CLASP2: variants seen among roughly 807,000 people sequenced by gnomAD.
CLASP2 encodes the protein cytoplasmic linker associated protein 2, also known as CLIP-associating protein 2.
In CLASP2, 47 loss-of-function variants were observed where a neutral mutation model predicts 194.4. The observed-to-expected ratio is 0.24, with a 90% CI of 0.19 to 0.31. The LOEUF is 0.31. CLASP2 is among the 10% of genes least tolerant of loss of function. CLASP2 has a pLI of 1.00. For synonymous variants in CLASP2, 619 were observed against 633.5 expected, an observed-to-expected ratio of 0.98 and a Z score of 0.34; for missense variants, 1,445 against 1,823.6, an observed-to-expected ratio of 0.79 and a Z score of 3.78.
chr3:33,654,425 A>C (rs946421945), intron 7 of CLASP2, among the ~76,000 whole-genome samples: 1 of 152,200 alleles, frequency 6.6e-6, no homozygotes, highest in Non-Finnish European at 1.5e-5. Context: ...AGTCAAGGAT[A>C]TCTCCCAGAA....
intron 10 of CLASP2, among the ~76,000 whole-genome samples, chr3:33,622,969 T>TATCCA (rs1226044031): frequency 1.3e-5 from 2 of 151,982 alleles, no homozygotes; most frequent in East Asian, 3.9e-4. Context: ...CCACCGTGCC[T>TATCCA]GGATAATTTT....
chr3:33,705,295 G>T (rs1349673005), intron 1 of CLASP2, among the ~76,000 whole-genome samples: 1 of 152,156 alleles, frequency 6.6e-6, no homozygotes, highest in East Asian at 1.9e-4. Flanking sequence ...GTCACAAGAG[G>T]CTACATGTTA....
chr3:33,639,980 C>G (rs2080988690), intron 8 of CLASP2, among the ~76,000 whole-genome samples: 1 of 152,164 alleles, frequency 6.6e-6, no homozygotes, highest in Admixed American at 6.5e-5. Flanking sequence ...GCACATCATT[C>G]AATGCTCTGA....
rs374516433 is a variant in CLASP2 at position 33,581,928 on chromosome 3, G to A, written c.2240C>T (p.Ala747Val). 1.4e-5 allele frequency: 22 copies of A among 1,607,972 alleles called. No homozygotes were observed. The African/African-American group carries it at 2.3e-4, about 17-fold the overall frequency. ...TGGTCGAGGAATACGACTGCTTCGG[G>A]CTGGTGTGAAGCAACAGCAGCACAC... ...REASPSRLSV[A>V]RSSRIPRPSV... The change falls in exon 23 of 39, where the codon GCC becomes GTC. Residue 747 changes from alanine to valine, a missense_variant and splice_region_variant. Physicochemically the swap from Ala to Val is moderately conservative, Grantham distance 64 (BLOSUM62 0). Transcript: ENST00000682230.
intron 21 of CLASP2, among the ~76,000 whole-genome samples, chr3:33,589,614 C>T (rs537616391): frequency 4.6e-5 from 7 of 152,148 alleles, no homozygotes; most frequent in East Asian, 1.9e-4. Flanking sequence ...AATGATTTTA[C>T]AGAGGGAAAG....
chr3:33,599,759 G>A (rs1229687424), intron 18 of CLASP2, among the ~76,000 whole-genome samples: 2 of 152,166 alleles, frequency 1.3e-5, no homozygotes, highest in African/African-American at 4.8e-5. Context: ...ATGAGACACA[G>A]CGGGTAGGGT....
At chr3:33,535,589 A>G in intron 33 of CLASP2, 128 bp from the exon 34 acceptor site, 1 of 700,432 alleles carries the variant, frequency 1.4e-6, no homozygotes, top group Non-Finnish European at 2.3e-6. Context: ...CAGCTAAAAA[A>G]TTTAAGTAAT....
At chr3:33,617,045 A>G (rs1428463390) in intron 12 of CLASP2, among the ~76,000 whole-genome samples, 2 of 150,732 alleles carry the variant, frequency 1.3e-5, no homozygotes, top group African/African-American at 2.4e-5. Flanking sequence ...ATTTTCTAAC[A>G]TTGTTACAAA....
intron 6 of CLASP2, among the ~76,000 whole-genome samples, chr3:33,673,510 A>G (rs1217255030): frequency 3.3e-5 from 5 of 151,846 alleles, no homozygotes; most frequent in East Asian, 1.9e-4. Flanking sequence ...AAAGACCATC[A>G]AGACTAGGAA....
At chr3:33,584,245 C>T (rs1451051548) in intron 22 of CLASP2, among the ~76,000 whole-genome samples, 1 of 150,388 alleles carries the variant, frequency 6.6e-6, no homozygotes, top group African/African-American at 2.4e-5. Context: ...TTTTTCAAAG[C>T]TCCTATGAAT....
intron 20 of CLASP2, 104 bp from the exon 21 acceptor site, chr3:33,592,600 A>C: frequency 2.3e-6 from 2 of 874,772 alleles, no homozygotes; most frequent in Non-Finnish European, 3.7e-6. Context: ...AAATTCTGTA[A>C]TAATGTAATC....
intron 23 of CLASP2, among the ~76,000 whole-genome samples, chr3:33,581,207 C>A (rs777435040): frequency 6.6e-6 from 1 of 152,022 alleles, no homozygotes; most frequent in Non-Finnish European, 1.5e-5. Flanking sequence ...TTTAAAAAAT[C>A]ATTTAATATT....
intron 1 of CLASP2, among the ~76,000 whole-genome samples, chr3:33,707,791 C>A (rs1048828489): frequency 6.6e-6 from 1 of 152,138 alleles, no homozygotes; most frequent in Admixed American, 6.5e-5. Flanking sequence ...CGGCAAGATC[C>A]AGACTGTGGG....
intron 21 of CLASP2, among the ~76,000 whole-genome samples, chr3:33,585,126 G>A (rs1462110078): frequency 1.3e-5 from 2 of 151,988 alleles, no homozygotes; most frequent in Non-Finnish European, 2.9e-5. Context: ...AGCACTAAAT[G>A]GTAAATCATC....
At chr3:33,507,704 C>T (rs1300293367) in intron 37 of CLASP2, among the ~76,000 whole-genome samples, 2 of 151,856 alleles carry the variant, frequency 1.3e-5, no homozygotes, top group Non-Finnish European at 2.9e-5. Context: ...GGCTGGTCTC[C>T]AACTCCTGGG....
chr3:33,653,784 A>G (rs1575304621), intron 7 of CLASP2, among the ~76,000 whole-genome samples: 2 of 152,140 alleles, frequency 1.3e-5, no homozygotes, highest in East Asian at 3.9e-4. Flanking sequence ...ACTGGATGAT[A>G]AGTAGTAATG....
chr3:33,558,945 C>T lies in CLASP2; in HGVS notation c.3009+362G>A, dbSNP rs551521637. On this transcript the variant is annotated intron_variant, in intron 29 of 38. Transcript: ENST00000682230. ...TGGCAATAATGTGATGCCTTCCAAA[C>T]GTGTATCACCATTAAGTTTCTCCAA... 11 of 293,688 alleles carry T rather than the reference C, an allele frequency of 3.7e-5. No individual in the cohort carries two copies. The East Asian group carries it at 7.6e-4, about 20-fold the overall frequency. 18.2% of individuals were successfully genotyped at this position (293,688 alleles called of 1,614,324 possible).
chr3:33,615,266 C>T (rs539801945), intron 12 of CLASP2, among the ~76,000 whole-genome samples: 2 of 148,110 alleles, frequency 1.4e-5, no homozygotes, highest in Admixed American at 6.8e-5. Context: ...AAATTTAATT[C>T]AATGGGTAAG....
At chr3:33,677,086 A>G (rs1460346440) in intron 6 of CLASP2, among the ~76,000 whole-genome samples, 1 of 151,826 alleles carries the variant, frequency 6.6e-6, no homozygotes, top group Non-Finnish European at 1.5e-5. Flanking sequence ...AGAAATAGGA[A>G]CACTTTTACA....
Sources: allele counts gnomAD v4.1 joint callset (sites outside exome capture counted in the v4.1 genomes callset), GRCh38; gene constraint gnomAD v4.1.1; transcripts MANE v1.5; gene names NCBI Gene and HGNC (gene_info 2026-07-23, HGNC 2026-07-21).